CTNNA3: variants seen among roughly 807,000 people sequenced by gnomAD.
The protein encoded by CTNNA3 is catenin alpha 3, also known as catenin alpha-3.
CTNNA3 carries 76 observed loss-of-function variants against 95.7 expected under a neutral mutation model. The ratio of observed to expected loss-of-function variants is 0.79; its 90% confidence interval spans 0.66 to 0.96. The LOEUF (loss-of-function observed/expected upper bound fraction) is 0.96, where lower values mean the gene tolerates loss of function less well. Ranked by LOEUF, CTNNA3 falls within the 40% of genes least tolerant of loss-of-function variation. The pLI, the probability that CTNNA3 is intolerant of heterozygous loss-of-function variation, is 0.00. For missense variants in CTNNA3, 1,191 were observed against 1,089.8 expected (o/e 1.09, Z -1.31); for synonymous variants, 431 against 374.4 (o/e 1.15, Z -1.74).
intron 2 of CTNNA3, among the ~76,000 whole-genome samples, chr10:67,635,760 A>G (rs1839291103): frequency 6.6e-6 from 1 of 152,184 alleles, no homozygotes; most frequent in African/African-American, 2.4e-5. Flanking sequence ...CGCACAAGAC[A>G]AGGATGCCCT....
chr10:67,585,778 CTTTTG>C (rs1842604908), intron 3 of CTNNA3, among the ~76,000 whole-genome samples: 1 of 151,890 alleles, frequency 6.6e-6, no homozygotes, highest in Non-Finnish European at 1.5e-5. Flanking sequence ...AAAAACCAAC[CTTTTG>C]TTTTGTTGAT....
chr10:66,846,875 C>T (rs1379293410), intron 7 of CTNNA3, among the ~76,000 whole-genome samples: 1 of 152,038 alleles, frequency 6.6e-6, no homozygotes, highest in Non-Finnish European at 1.5e-5. Context: ...GTCTGAAATC[C>T]CTATTGGTAA....
chr10:67,121,265 G>T (rs1477189090), intron 7 of CTNNA3, among the ~76,000 whole-genome samples: 2 of 152,074 alleles, frequency 1.3e-5, no homozygotes, highest in African/African-American at 4.8e-5. Flanking sequence ...GTGTCTCAGT[G>T]TAAGCATTGT....
chr10:66,783,673 A>C (rs1240223775), intron 7 of CTNNA3, among the ~76,000 whole-genome samples: 1 of 152,192 alleles, frequency 6.6e-6, no homozygotes. Flanking sequence ...CAATATTCAG[A>C]ACCACTACCA....
intron 16 of CTNNA3, among the ~76,000 whole-genome samples, chr10:65,972,084 GA>G (rs1436653100): frequency 6.6e-6 from 1 of 151,970 alleles, no homozygotes; most frequent in Non-Finnish European, 1.5e-5. Context: ...ACAGATGTGG[GA>G]AAAGCTTTTG....
At chr10:67,595,736 G>A (rs2133356860) in intron 3 of CTNNA3, among the ~76,000 whole-genome samples, 1 of 152,284 alleles carries the variant, frequency 6.6e-6, no homozygotes, top group South Asian at 2.1e-4. Flanking sequence ...GGGTGTTGAA[G>A]TCTCCCACTA....
intron 14 of CTNNA3, among the ~76,000 whole-genome samples, chr10:66,083,572 C>T (rs2080853647): frequency 6.6e-6 from 1 of 152,060 alleles, no homozygotes; most frequent in South Asian, 2.1e-4. Context: ...AAATATTAGA[C>T]AAGATATTAA....
chr10:66,896,021 C>G (rs1845474270), intron 7 of CTNNA3, among the ~76,000 whole-genome samples: 1 of 151,740 alleles, frequency 6.6e-6, no homozygotes, highest in Admixed American at 6.6e-5. Context: ...TGCTTGAACC[C>G]AGGAGGTGGA....
At chr10:66,993,694 GAAA>G (rs58941459) in intron 7 of CTNNA3, among the ~76,000 whole-genome samples, 15,958 of 142,168 alleles carry the variant, frequency 0.11, 1,228 homozygotes, top group African/African-American at 0.22. Flanking sequence ...ATACATAAAT[GAAA>G]AAAAAAAAAA....
intron 13 of CTNNA3, among the ~76,000 whole-genome samples, chr10:66,278,344 T>C (rs2091433786): frequency 6.6e-6 from 1 of 151,834 alleles, no homozygotes; most frequent in African/African-American, 2.4e-5. Context: ...AATTTGAATG[T>C]ATTCTTGATA....
intron 11 of CTNNA3, among the ~76,000 whole-genome samples, chr10:66,445,741 C>A (rs1052132453): frequency 1.3e-5 from 2 of 151,566 alleles, no homozygotes; most frequent in Admixed American, 6.6e-5. Flanking sequence ...AAAATTGACA[C>A]CCTAACATCA....
intron 14 of CTNNA3, among the ~76,000 whole-genome samples, chr10:66,076,810 A>G (rs1292592717): frequency 6.6e-6 from 1 of 151,752 alleles, no homozygotes; most frequent in Non-Finnish European, 1.5e-5. Context: ...TATGCCATTT[A>G]AATAATAATA....
rs552938224 is a variant in CTNNA3 at position 66,056,260 on chromosome 10, G to T, written c.2159+13048C>A. On this transcript the variant is annotated intron_variant, in intron 15 of 17. Transcript: ENST00000433211. Reference sequence around the variant, plus strand: ...CATGAAGGGATGTTGAATGTTATCAGATTTTTTTTAAGAATCTTTTGAAAT... The same window carrying T: ...CATGAAGGGATGTTGAATGTTATCATATTTTTTTTAAGAATCTTTTGAAAT... 4.6e-5 allele frequency among the ~76,000 whole-genome samples: 7 copies of T among 152,192 alleles called. No individual in the cohort carries two copies. The East Asian group carries it at 1.2e-3, about 25-fold the overall frequency.
rs118175321 is a variant in CTNNA3 at position 65,928,398 on chromosome 10, A to G, written c.2401-7781T>C. ...CACTTTCTCAGGGAAGAGTTCCACA[A>G]TACTAAGACTAGATTGGATCCTCTT... On this transcript the variant is annotated intron_variant, in intron 17 of 17. Coordinates refer to ENST00000433211, the MANE Select transcript of CTNNA3 (RefSeq NM_013266.4). 2.5e-3 allele frequency among the ~76,000 whole-genome samples: 385 copies of G among 152,254 alleles called. No homozygotes were observed. In the Middle Eastern group the frequency reaches 0.027, roughly 11 times the overall value.
chr10:67,246,402 A>T (rs1865910369), intron 5 of CTNNA3, among the ~76,000 whole-genome samples: 1 of 152,218 alleles, frequency 6.6e-6, no homozygotes, highest in Admixed American at 6.5e-5. Context: ...TAAATACAAC[A>T]GATGCAAGAT....
chr10:66,808,796 T>A (rs986789315), intron 7 of CTNNA3, among the ~76,000 whole-genome samples: 1 of 152,184 alleles, frequency 6.6e-6, no homozygotes, highest in Non-Finnish European at 1.5e-5. Context: ...TGTGTTCCAA[T>A]AATCCTTATT....
chr10:66,515,345 C>CTCTCTATATA (rs558913767), intron 11 of CTNNA3, among the ~76,000 whole-genome samples: 10 of 148,880 alleles, frequency 6.7e-5, no homozygotes, highest in Admixed American at 1.3e-4. Context: ...CTCTCTCTCT[C>CTCTCTATATA]TATATATATA....
At chr10:66,174,895 A>G (rs1373826002) in intron 13 of CTNNA3, among the ~76,000 whole-genome samples, 1 of 152,150 alleles carries the variant, frequency 6.6e-6, no homozygotes, top group Non-Finnish European at 1.5e-5. Context: ...AACAAATGAA[A>G]AATTCAACCC....
At chr10:67,287,937 G>C (rs1839675366) in intron 5 of CTNNA3, among the ~76,000 whole-genome samples, 1 of 152,096 alleles carries the variant, frequency 6.6e-6, no homozygotes, top group African/African-American at 2.4e-5. Context: ...TCAAATATGA[G>C]CTTTTGCAGT....
Sources: allele counts gnomAD v4.1 joint callset (sites outside exome capture counted in the v4.1 genomes callset), GRCh38; gene constraint gnomAD v4.1.1; transcripts MANE v1.5; gene names NCBI Gene and HGNC (gene_info 2026-07-23, HGNC 2026-07-21).